The following CRHR2 variants were observed in gnomAD, a reference collection of about 807,000 sequenced individuals.
The protein encoded by CRHR2 is corticotropin-releasing hormone receptor 2.
CRHR2 carries 53 observed loss-of-function variants against 57.9 expected under a neutral mutation model. That is an observed-to-expected ratio of 0.92 (90% confidence interval 0.73 to 1.15). The LOEUF (loss-of-function observed/expected upper bound fraction) is 1.15. CRHR2 is among the 50% of genes most tolerant of loss of function. The pLI is 0.00. For missense variants in CRHR2, 532 were observed against 542.6 expected, an observed-to-expected ratio of 0.98 and a Z score of 0.19; for synonymous variants, 213 against 220.9, an observed-to-expected ratio of 0.96 and a Z score of 0.32.
At chr7:30,669,691 C>G (rs1784297247) in intron 2 of CRHR2, among the ~76,000 whole-genome samples, 1 of 152,184 alleles carries the variant, frequency 6.6e-6, no homozygotes, top group Non-Finnish European at 1.5e-5. Flanking sequence ...TCTTTTCTTG[C>G]CACCTTGACC....
In CRHR2 at chr7:30,656,714, G is replaced by A. The variant is rs190740808; in HGVS notation, c.832-702C>T. ...CAGCACCTGGCCCTGGAACTGGCCT[G>A]TGTGGCTCCCCAGCTGCTCCCTGCT... On this transcript the variant is annotated intron_variant, in intron 8 of 11. Coordinates refer to ENST00000471646, the MANE Select transcript of CRHR2 (RefSeq NM_001883.5). The surrounding 1 kb of genome is among the most constrained non-coding windows in gnomAD (Gnocchi z 4.4). Among the ~76,000 whole-genome samples the A allele has an allele frequency of 0.01, 1,578 of 152,286 alleles. 17 individuals are homozygous for A. The highest frequency in any genetic ancestry group is 0.015 in the Non-Finnish European group (1,013 of 68,012).
chr7:30,663,327 G>A (rs186112144), intron 5 of CRHR2, among the ~76,000 whole-genome samples: 32 of 152,258 alleles, frequency 2.1e-4, no homozygotes, highest in Middle Eastern at 3.4e-3. Context: ...GTGGGGCTGC[G>A]GCCAGGGAGG....
chr7:30,667,761 C>T (rs1180617290), intron 2 of CRHR2, among the ~76,000 whole-genome samples: 2 of 152,148 alleles, frequency 1.3e-5, no homozygotes, highest in African/African-American at 4.8e-5. Context: ...TCCCATGTAC[C>T]ACTTCCTCTT....
chr7:30,655,108 T>C (rs756421761), intron 10 of CRHR2, 28 bp from the exon 11 acceptor site: 44 of 1,610,536 alleles, frequency 2.7e-5, no homozygotes, highest in Non-Finnish European at 3.6e-5. Context: ...GAGGGAGTGG[T>C]CAGTGACCTA....
chr7:30,683,275 G>A (rs574828760), upstream of CRHR2, among the ~76,000 whole-genome samples: 13 of 152,334 alleles, frequency 8.5e-5, no homozygotes, highest in South Asian at 2.7e-3. Flanking sequence ...AGGAAGAAGT[G>A]AGAATGTGTC....
chr7:30,674,722 C>T (rs1584115323), intron 2 of CRHR2, among the ~76,000 whole-genome samples: 2 of 152,238 alleles, frequency 1.3e-5, no homozygotes, highest in South Asian at 4.2e-4. Flanking sequence ...AGAATCCTCC[C>T]TCCCAGGACA....
At chr7:30,671,560 G>A (rs1784352596) in intron 2 of CRHR2, among the ~76,000 whole-genome samples, 1 of 151,124 alleles carries the variant, frequency 6.6e-6, no homozygotes, top group Non-Finnish European at 1.5e-5. Context: ...AACATTTTGG[G>A]AGACCAAGGC....
At position 30,681,998 on chromosome 7, in the gene CRHR2, G is replaced by A; in HGVS notation, c.146C>T (p.Thr49Met). The A allele has an allele frequency of 1.2e-6, 2 of 1,605,882 alleles. No individual in the cohort carries two copies. Among genetic ancestry groups the A allele is most frequent in the Non-Finnish European group, 1.7e-6 (2 of 1,176,754 alleles). The change falls in exon 2 of 12, where the codon ACG (threonine) becomes ATG (methionine). Residue 49 changes from threonine (T) to methionine (M), a missense_variant. Transcript: ENST00000471646. ...YCNTTLDQIG[T>M]CWPRSAAGAL... is the part of the protein sequence containing the mutation. ...TCCGGCAGCGCTGCGGGGCCAGCAC[G>A]TTCCGATCTGGTCCAAGGTCGTGTT...
chr7:30,653,522 A>T lies in CRHR2; in HGVS notation c.1174T>A (p.Ser392Thr). The T allele has an allele frequency of 6.2e-7, 1 of 1,613,452 alleles. No individual in the cohort carries two copies. Among genetic ancestry groups the T allele is most frequent in the Admixed American group, 1.7e-5 (1 of 59,988 alleles). The change falls in exon 12 of 12, where the codon TCC becomes ACC. Residue 392 changes from serine to threonine, a missense_variant. Ser to Thr is a moderately conservative substitution (Grantham distance 58). Transcript: ENST00000471646. This position sits in a 1 kb window ranked among gnomAD's most constrained non-coding sequence, Gnocchi z 5.0. Reference sequence around the variant, plus strand: ...ATCCGTGTGGGTGATGTAGGGATGGACATGGCCCGGGCCATGGGGACTCGA... The same window carrying T: ...ATCCGTGTGGGTGATGTAGGGATGGTCATGGCCCGGGCCATGGGGACTCGA... ...SLRVPMARAM[S>T]IPTSPTRISF...
In CRHR2 at chr7:30,665,508, C is replaced by A. The variant is rs1784152518; in HGVS notation, c.425+22G>T. 6.5e-7 allele frequency: 1 copy of A among 1,543,582 alleles called. No homozygotes were observed. The highest frequency in any genetic ancestry group is 8.8e-7 in the Non-Finnish European group (1 of 1,139,272). On this transcript the variant is annotated intron_variant, in intron 4 of 11. Coordinates refer to ENST00000471646, the MANE Select transcript of CRHR2 (RefSeq NM_001883.5). This position sits in a 1 kb window ranked among gnomAD's most constrained non-coding sequence, Gnocchi z 4.5. ...TGTAGGGGGAGGGATGAGGAGAAAG[C>A]AAGGCGGAAGGGCAGACTCACCGCA... is the stretch of plus-strand genomic sequence containing the variant.
At chr7:30,687,812 C>T (rs961233447) in intron 2 of CRHR2, among the ~76,000 whole-genome samples, 2 of 152,152 alleles carry the variant, frequency 1.3e-5, no homozygotes, top group Admixed American at 6.5e-5. Flanking sequence ...GACAAACCCA[C>T]GCTGCCTCTG....
At chr7:30,680,863 GTGGAGGTGGAGC>G (rs915102479) in intron 2 of CRHR2, among the ~76,000 whole-genome samples, 2 of 141,800 alleles carry the variant, frequency 1.4e-5, no homozygotes, top group Admixed American at 1.4e-4. Flanking sequence ...TGTATGTGTG[GTGGAGGTGGAGC>G]TGGGCTACCA....
chr7:30,662,877 G>A, intron 5 of CRHR2, 30 bp from the exon 6 acceptor site: 1 of 1,609,984 alleles, frequency 6.2e-7, no homozygotes, highest in East Asian at 2.2e-5. Flanking sequence ...GCTGTCAGGA[G>A]GCAGCTTGGG....
At chr7:30,667,114 G>A in intron 3 of CRHR2, 114 bp downstream of exon 3, 3 of 877,174 alleles carry the variant, frequency 3.4e-6, no homozygotes, top group South Asian at 1.5e-5. Context: ...AGGTACAGAA[G>A]GGAGTGACTG....
At chr7:30,693,997 C>T (rs1161153678) in intron 1 of CRHR2, among the ~76,000 whole-genome samples, 3 of 152,184 alleles carry the variant, frequency 2.0e-5, no homozygotes, top group East Asian at 1.9e-4. Flanking sequence ...CCATGCACAC[C>T]CCAGCCCATG....
At position 30,655,735 on chromosome 7, in the gene CRHR2, A is replaced by C. The variant is rs1464700362; in HGVS notation, c.918-20T>G. On this transcript the variant is annotated intron_variant, in intron 9 of 11. Coordinates refer to ENST00000471646, the MANE Select transcript of CRHR2 (RefSeq NM_001883.5). ...GCCTTCCTGGGGGCGAGAGGTGGAC[A>C]CAGGTCTGAGCCCATGCGGCAGGCA... 1 of 1,611,642 alleles carries C rather than the reference A, an allele frequency of 6.2e-7. No individual in the cohort carries two copies. Among genetic ancestry groups the C allele is most frequent in the Non-Finnish European group, 8.5e-7 (1 of 1,178,630 alleles).
In CRHR2 at chr7:30,655,069, C is replaced by T; in HGVS notation, c.1065G>A (p.Val355=). 1 of 1,613,460 alleles carries T rather than the reference C, an allele frequency of 6.2e-7. No individual in the cohort carries two copies. The highest frequency in any genetic ancestry group is 1.1e-5 in the South Asian group (1 of 90,968). Residue 355 remains valine (V), a synonymous_variant, in exon 11 of 12, where the codon GTG becomes GTA. Transcript: ENST00000471646. The part of the protein sequence containing the change: ...SFLQSFQGFF[V]SVFYCFFNGE... ...CATTGAAGAAGCAGTAGAAGACAGA[C>T]ACGAAGAAACCCTGGAAAGGAGGGA...
intron 2 of CRHR2, among the ~76,000 whole-genome samples, chr7:30,672,678 C>T (rs1011304839): frequency 6.6e-6 from 1 of 152,264 alleles, no homozygotes; most frequent in African/African-American, 2.4e-5. Flanking sequence ...GCAGACATTG[C>T]AGTCCAACCC....
chr7:30,698,821 C>G (rs532131799), intron 1 of CRHR2, among the ~76,000 whole-genome samples: 78 of 152,314 alleles, frequency 5.1e-4, no homozygotes, highest in Middle Eastern at 3.4e-3. Context: ...TGTATTACCT[C>G]AATGTTCCTC....
Sources: gnomAD v4.1 joint callset for allele counts (sites outside exome capture counted in the v4.1 genomes callset) on GRCh38, gnomAD v4.1.1 for gene constraint, Gnocchi (gnomAD v3.1) non-coding constraint, MANE v1.5 for transcripts, NCBI Gene and HGNC (gene_info 2026-07-23, HGNC 2026-07-21) for gene names.